Variants in FAM81A observed in about 807,000 individuals in gnomAD.
The protein encoded by FAM81A is protein FAM81A.
Under a neutral mutation model 46.7 loss-of-function variants are expected in FAM81A, and 19 were observed. The ratio of observed to expected loss-of-function variants is 0.41; its 90% CI spans 0.28 to 0.60. The LOEUF is 0.60. Ranked by LOEUF, FAM81A falls within the 20% of genes least tolerant of loss-of-function variation. The probability of loss-of-function intolerance (pLI) is 0.34; values close to 1 mark genes in which losing one functional copy is unlikely to be tolerated. For missense variants in FAM81A, 377 were observed against 453.5 expected, an observed-to-expected ratio of 0.83 and a Z score of 1.53; for synonymous variants, 183 against 152.9, an observed-to-expected ratio of 1.20 and a Z score of -1.45.
intron 4 of FAM81A, among the ~76,000 whole-genome samples, chr15:59,506,031 A>G (rs2082145200): frequency 6.6e-6 from 1 of 152,168 alleles, no homozygotes; most frequent in African/African-American, 2.4e-5. Flanking sequence ...TAGAAGCATC[A>G]GCAGTCTTAT....
At chr15:59,442,618 C>CAAAAAAAAAAAAAAAAAAAAA (rs1196305104) in intron 1 of FAM81A, among the ~76,000 whole-genome samples, 43 of 76,614 alleles carry the variant, frequency 5.6e-4, no homozygotes, top group Non-Finnish European at 7.0e-4. Context: ...CTCCGTCTCT[C>CAAAAAAAAAAAAAAAAAAAAA]AAAAAAAAAA....
Position 59,505,790 on chromosome 15 carries a change from G to A in FAM81A, c.414-1423G>A, listed in dbSNP as rs117468442. Reference sequence around the variant, plus strand: ...TATAGTTTGGGGCTTCAGTCCCTACGAGACAAAGAGCATTTACAAGGAGCA... The same window carrying A: ...TATAGTTTGGGGCTTCAGTCCCTACAAGACAAAGAGCATTTACAAGGAGCA... On this transcript the variant is annotated intron_variant, in intron 4 of 8. Coordinates refer to ENST00000288228, the MANE Select transcript of FAM81A (RefSeq NM_152450.3). Among the ~76,000 whole-genome samples, 1,450 of 152,260 alleles carry A rather than the reference G, an allele frequency of 9.5e-3. 16 individuals are homozygous for A. Among genetic ancestry groups the A allele is most frequent in the Middle Eastern group, 0.017 (5 of 294 alleles).
chr15:59,502,163 T>G (rs961044209), intron 4 of FAM81A, among the ~76,000 whole-genome samples: 1 of 151,386 alleles, frequency 6.6e-6, no homozygotes, highest in Non-Finnish European at 1.5e-5. Flanking sequence ...TTTTTTCTTT[T>G]TCTTTTTCTT....
intron 4 of FAM81A, among the ~76,000 whole-genome samples, chr15:59,493,123 A>G (rs754909645): frequency 1.3e-5 from 2 of 152,210 alleles, no homozygotes; most frequent in African/African-American, 2.4e-5. Flanking sequence ...TGAGGAGCAA[A>G]TGGCACTTCC....
At chr15:59,464,496 TG>T (rs2141657324) in intron 3 of FAM81A, among the ~76,000 whole-genome samples, 1 of 152,354 alleles carries the variant, frequency 6.6e-6, no homozygotes, top group Admixed American at 6.5e-5. Flanking sequence ...TTTTGTGTTT[TG>T]GTAATAGCAG....
intron 5 of FAM81A, among the ~76,000 whole-genome samples, chr15:59,508,204 C>T (rs758927184): frequency 5.3e-5 from 8 of 152,244 alleles, no homozygotes; most frequent in Non-Finnish European, 1.0e-4. Flanking sequence ...TTCTTTATAG[C>T]CAGGCCAAGT....
chr15:59,511,675 G>A (rs1192984485), intron 6 of FAM81A, among the ~76,000 whole-genome samples: 1 of 152,140 alleles, frequency 6.6e-6, no homozygotes, highest in African/African-American at 2.4e-5. Flanking sequence ...ATTTTGAGAT[G>A]GAGTCTTGCT....
chr15:59,428,477 G>C (rs1372103879), intron 2 of FAM81A, among the ~76,000 whole-genome samples: 2 of 149,806 alleles, frequency 1.3e-5, no homozygotes, highest in Non-Finnish European at 1.5e-5. Context: ...GTCTTACTAT[G>C]TTGCCCAGGC....
chr15:59,495,002 C>A (rs754019420), intron 4 of FAM81A, among the ~76,000 whole-genome samples: 6 of 152,136 alleles, frequency 3.9e-5, no homozygotes, highest in Non-Finnish European at 8.8e-5. Flanking sequence ...GATACATAGC[C>A]TCCTTTCTCT....
At chr15:59,489,413 A>T (rs1300184955) in intron 3 of FAM81A, among the ~76,000 whole-genome samples, 1 of 148,164 alleles carries the variant, frequency 6.7e-6, no homozygotes, top group Non-Finnish European at 1.5e-5. Flanking sequence ...GAGAAGACTC[A>T]TAAAAATGGA....
intron 6 of FAM81A, 27 bp downstream of exon 6, chr15:59,508,996 A>G (rs768565921): frequency 2.2e-5 from 35 of 1,569,718 alleles, no homozygotes; most frequent in Non-Finnish European, 3.0e-5. Context: ...TTAAAAAAAT[A>G]AAACTTAAAG....
intron 4 of FAM81A, among the ~76,000 whole-genome samples, chr15:59,496,234 A>G (rs148443555): frequency 6.6e-6 from 1 of 152,290 alleles, no homozygotes; most frequent in East Asian, 1.9e-4. Flanking sequence ...TTTTCCTTGT[A>G]GATATCTATT....
At chr15:59,496,324 C>T (rs956394995) in intron 4 of FAM81A, among the ~76,000 whole-genome samples, 2 of 152,218 alleles carry the variant, frequency 1.3e-5, no homozygotes, top group South Asian at 2.1e-4. Context: ...AATCACTTGG[C>T]GGCCGGGAGC....
intron 2 of FAM81A, among the ~76,000 whole-genome samples, chr15:59,421,055 G>A (rs1264485370): frequency 1.2e-4 from 18 of 152,184 alleles, no homozygotes; most frequent in African/African-American, 4.3e-4. Flanking sequence ...ACTGTGTTCT[G>A]GTGGGGTCAC....
chr15:59,506,133 A>G lies in FAM81A; in HGVS notation c.414-1080A>G, dbSNP rs76467843. On this transcript the variant is annotated intron_variant, in intron 4 of 8. Coordinates refer to ENST00000288228, the MANE Select transcript of FAM81A (RefSeq NM_152450.3). ...ACCTGGTCATCAAGAACTCTTCTAG[A>G]AGCCACAGATTTTTTTGTTTGTTTG... 7.3e-4 allele frequency among the ~76,000 whole-genome samples: 111 copies of G among 151,838 alleles called. 2 individuals are homozygous for G. The East Asian group carries it at 0.02, about 27-fold the overall frequency.
chr15:59,460,703 G>T lies in FAM81A; in HGVS notation c.294+497G>T. 5.0e-6 allele frequency: 1 copy of T among 201,670 alleles called. No homozygotes were observed. The highest frequency in any genetic ancestry group is 1.0e-5 in the Non-Finnish European group (1 of 98,400). 12.5% of individuals were successfully genotyped at this position (201,670 alleles called of 1,614,324 possible). On this transcript the variant is annotated intron_variant, in intron 3 of 8. Coordinates refer to ENST00000288228, the MANE Select transcript of FAM81A (RefSeq NM_152450.3). This position sits in a 1 kb window ranked among gnomAD's most constrained non-coding sequence, Gnocchi z 4.4. The stretch of plus-strand genomic sequence containing the variant: ...ACTGCTGTAGTTTTCTTTGAAATGA[G>T]ACCAATAAAAGGCCAATATTGTCTA...
At chr15:59,519,538 TTTTC>T (rs1394910348) in intron 8 of FAM81A, among the ~76,000 whole-genome samples, 1 of 149,218 alleles carries the variant, frequency 6.7e-6, no homozygotes, top group Non-Finnish European at 1.5e-5. Context: ...TTTCTCTTTC[TTTTC>T]TTTCTTCCTT....
intron 1 of FAM81A, among the ~76,000 whole-genome samples, chr15:59,450,226 C>T (rs926393761): frequency 2.6e-5 from 4 of 151,764 alleles, no homozygotes; most frequent in Middle Eastern, 3.4e-3. Context: ...CACTGCACCT[C>T]GCTGCTAATT....
chr15:59,492,885 A>G (rs1161814475), intron 4 of FAM81A, among the ~76,000 whole-genome samples: 1 of 152,168 alleles, frequency 6.6e-6, no homozygotes, highest in Non-Finnish European at 1.5e-5. Context: ...GGACCTTGTT[A>G]GAAATGTACT....
Sources: gnomAD v4.1 joint callset for allele counts (sites outside exome capture counted in the v4.1 genomes callset) on GRCh38, gnomAD v4.1.1 for gene constraint, Gnocchi (gnomAD v3.1) non-coding constraint, MANE v1.5 for transcripts, NCBI Gene and HGNC (gene_info 2026-07-23, HGNC 2026-07-21) for gene names.